Variants in ZNF544 observed in about 807,000 individuals in gnomAD.
ZNF544 encodes zinc finger protein AF020591.
A neutral mutation model predicts 13.5 loss-of-function variants in ZNF544; 10 were observed. The observed-to-expected ratio is 0.74, with a 90% CI of 0.46 to 1.25. The LOEUF (loss-of-function observed/expected upper bound fraction) is 1.25. ZNF544 is among the 50% of genes most tolerant of loss of function. The pLI is 0.00. For synonymous variants in ZNF544, 323 were observed against 300.5 expected (o/e 1.07, Z -0.77); for missense variants, 896 against 845.6 (o/e 1.06, Z -0.74).
intron 5 of ZNF544, among the ~76,000 whole-genome samples, chr19:58,275,809 AG>A (rs139901765): frequency 0.23 from 31,697 of 138,390 alleles, 4,160 homozygotes; most frequent in East Asian, 0.49. Context: ...AAAAGGAAAG[AG>A]GAAATAATAG....
chr19:58,255,875 C>G (rs951235890), intron 6 of ZNF544, among the ~76,000 whole-genome samples: 2 of 152,204 alleles, frequency 1.3e-5, no homozygotes, highest in African/African-American at 4.8e-5. Flanking sequence ...GGCCTTCAGG[C>G]AACACCAGAG....
intron 3 of ZNF544, chr19:58,242,266 A>G (rs1314629998): frequency 2.0e-6 from 2 of 985,166 alleles, no homozygotes; most frequent in Non-Finnish European, 2.4e-6. Flanking sequence ...TCTGCAGGAG[A>G]TGATGCTGGT....
chr19:58,259,505 A>G (rs750409920), intron 6 of ZNF544: 9 of 152,212 alleles, frequency 5.9e-5, no homozygotes, highest in Non-Finnish European at 1.0e-4. Flanking sequence ...CAAGTCCAAA[A>G]TCAATGTCAC....
rs746462551 is a variant in ZNF544, at chr19:58,261,074, T to C, written c.468T>C (p.His156=). Residue 156 remains histidine (H), a synonymous_variant, in exon 7 of 7, where the codon CAT becomes CAC. Transcript: ENST00000687789. ...TSERLFAQRE[H]CELELGGGYS... ...AGAGACTGTTTGCTCAAAGGGAACA[T>C]TGTGAGCTTGAACTTGGGGGAGGTT... 2.5e-5 allele frequency: 41 copies of C among 1,614,078 alleles called. No homozygotes were observed. The highest frequency in any genetic ancestry group is 2.2e-4 in the East Asian group (10 of 44,900).
At chr19:58,241,464 A>G (rs1242920722) in intron 3 of ZNF544, among the ~76,000 whole-genome samples, 1 of 150,120 alleles carries the variant, frequency 6.7e-6, no homozygotes, top group Non-Finnish European at 1.5e-5. Flanking sequence ...CAAACTTGTC[A>G]TCTGATAGCA....
At chr19:58,270,178 A>G (rs1191789038) in intron 5 of ZNF544, among the ~76,000 whole-genome samples, 1 of 152,162 alleles carries the variant, frequency 6.6e-6, no homozygotes, top group East Asian at 1.9e-4. Context: ...GATGTGAGTA[A>G]TTCTTGCTGG....
intron 6 of ZNF544, chr19:58,251,422 A>G (rs1463200941): frequency 3.9e-6 from 2 of 518,232 alleles, no homozygotes; most frequent in Non-Finnish European, 7.7e-6. Context: ...CCAACTATCT[A>G]ATCCTAGTAC....
rs377452341 is a variant in ZNF544 at position 58,246,330 on chromosome 19, G to A, written c.63G>A (p.Met21Ile). The change falls in exon 5 of 7, where the codon ATG becomes ATA. Residue 21 changes from methionine (M) to isoleucine (I), a missense_variant. Coordinates refer to ENST00000687789, the MANE Select transcript of ZNF544 (RefSeq NM_014480.4). ...QASVCFEDVA[M>I]AFTQEEWEQL... ...CTGTGTGCTTCGAGGATGTGGCTATGGCATTCACACAGGAGGAGTGGGAAC... is the reference window on the plus strand; with the variant it reads ...CTGTGTGCTTCGAGGATGTGGCTATAGCATTCACACAGGAGGAGTGGGAAC... 6.2e-6 allele frequency: 10 copies of A among 1,614,002 alleles called. No individual in the cohort carries two copies. In the African/African-American group the frequency reaches 8.0e-5, roughly 13 times the overall value.
At chr19:58,255,804 G>T (rs2047188885) in intron 6 of ZNF544, among the ~76,000 whole-genome samples, 1 of 152,206 alleles carries the variant, frequency 6.6e-6, no homozygotes, top group African/African-American at 2.4e-5. Context: ...ACTGTAACTG[G>T]AAAATAGAGA....
chr19:58,269,892 G>C (rs1327922708), intron 5 of ZNF544, among the ~76,000 whole-genome samples: 1 of 152,194 alleles, frequency 6.6e-6, no homozygotes, highest in East Asian at 1.9e-4. Context: ...CTGGACTCCA[G>C]CCTGGGCGAC....
chr19:58,246,255 C>T (rs2045189002), intron 4 of ZNF544, 46 bp from the exon 5 acceptor site: 2 of 1,612,610 alleles, frequency 1.2e-6, no homozygotes, highest in Non-Finnish European at 1.7e-6. Context: ...TCCGTGAGGG[C>T]ATGAGGACCT....
At chr19:58,232,766 A>G (rs810053) in intron 3 of ZNF544, among the ~76,000 whole-genome samples, 2 of 55,196 alleles carry the variant, frequency 3.6e-5, no homozygotes, top group South Asian at 5.5e-4. Flanking sequence ...CGTCTCTACT[A>G]AAAAAAAAAA....
At chr19:58,246,920 G>A in intron 6 of ZNF544, 126 bp downstream of exon 6, 1 of 769,830 alleles carries the variant, frequency 1.3e-6, no homozygotes, top group Non-Finnish European at 2.1e-6. Context: ...GCTCTTTGCA[G>A]CAGTTCACCC....
intron 5 of ZNF544, among the ~76,000 whole-genome samples, chr19:58,275,782 T>TAAAAAAAAA (rs1600443628): frequency 5.7e-5 from 1 of 17,538 alleles, no homozygotes; most frequent in African/African-American, 2.0e-4. Flanking sequence ...AGACCCTGTC[T>TAAAAAAAAA]CAAAAAAAAA....
chr19:58,270,071 G>C (rs986710691), intron 5 of ZNF544, among the ~76,000 whole-genome samples: 1 of 152,184 alleles, frequency 6.6e-6, no homozygotes, highest in African/African-American at 2.4e-5. Flanking sequence ...TTAATTGAAG[G>C]CTTCAAGGTA....
chr19:58,235,769 CA>C (rs1161463338), intron 3 of ZNF544, among the ~76,000 whole-genome samples: 1 of 152,086 alleles, frequency 6.6e-6, no homozygotes, highest in Non-Finnish European at 1.5e-5. Flanking sequence ...GATTAAAAAA[CA>C]ACTTCATAGG....
At chr19:58,268,739 C>T (rs117860825), downstream of ZNF544, among the ~76,000 whole-genome samples, 1 of 152,294 alleles carries the variant, frequency 6.6e-6, no homozygotes, top group East Asian at 1.9e-4. Context: ...GTTGCTTATG[C>T]CAGATATGGA....
intron 4 of ZNF544, 100 bp from the exon 5 acceptor site, chr19:58,246,201 G>T (rs1023204665): frequency 1.3e-6 from 2 of 1,534,628 alleles, no homozygotes; most frequent in Non-Finnish European, 1.8e-6. Flanking sequence ...TCCAATGTAT[G>T]AATTTTACGG....
At chr19:58,265,590 C>T (rs115227554), downstream of ZNF544, among the ~76,000 whole-genome samples, 211 of 149,594 alleles carry the variant, frequency 1.4e-3, 2 homozygotes, top group African/African-American at 4.9e-3. Context: ...CCGCCACACC[C>T]GGCCGCATTT....
Sources: gnomAD v4.1 joint callset for allele counts (sites outside exome capture counted in the v4.1 genomes callset) on GRCh38, gnomAD v4.1.1 for gene constraint, MANE v1.5 for transcripts, NCBI Gene and HGNC (gene_info 2026-07-23, HGNC 2026-07-21) for gene names.